The following PTGIS variants were observed in gnomAD, a reference collection of about 807,000 sequenced individuals.
The protein encoded by PTGIS is prostacyclin synthase.
In PTGIS, 45 loss-of-function variants were observed where a neutral mutation model predicts 50.3. The observed-to-expected ratio is 0.90, with a 90% CI of 0.70 to 1.15. The LOEUF (loss-of-function observed/expected upper bound fraction) is 1.15, where lower values mean the gene tolerates loss of function less well. Among genes scored for constraint, PTGIS ranks in the 50% most tolerant of loss-of-function variants. The pLI is 0.00. For missense variants in PTGIS, 668 were observed against 661.3 expected (o/e 1.01, Z -0.11); for synonymous variants, 260 against 267.7 (o/e 0.97, Z 0.28).
rs1982948880 is a variant in PTGIS at position 49,567,990 on chromosome 20, G to A, written c.74+53C>T. ...CTCCGAGACCCTTGGGCTGCAGCCC[G>A]GGCGGGAGCCGCCCCCTTTGTCTGG... On this transcript the variant is annotated intron_variant, in intron 1 of 9. Transcript: ENST00000244043. 4.2e-6 allele frequency: 6 copies of A among 1,441,846 alleles called. No individual in the cohort carries two copies. The South Asian group carries it at 6.8e-5, about 16-fold the overall frequency. The allele number at this position is 1,441,846 out of a possible 1,614,324, so 89.3% of individuals were successfully genotyped here. A position where few individuals can be genotyped will look rare whatever the true frequency, so the allele number is the denominator to read the frequency against.
intron 6 of PTGIS, among the ~76,000 whole-genome samples, chr20:49,515,941 C>A (rs1025214323): frequency 5.3e-5 from 8 of 151,790 alleles, no homozygotes; most frequent in African/African-American, 1.7e-4. Flanking sequence ...AATGCAGTGG[C>A]ACAATCATAG....
chr20:49,543,650 A>C (rs1360431841), intron 4 of PTGIS, among the ~76,000 whole-genome samples: 1 of 152,060 alleles, frequency 6.6e-6, no homozygotes, highest in African/African-American at 2.4e-5. Flanking sequence ...CGTGGTGGGC[A>C]CTTTGCAGTT....
intron 6 of PTGIS, 85 bp downstream of exon 6, chr20:49,523,973 G>T: frequency 6.6e-7 from 1 of 1,517,182 alleles, no homozygotes. Flanking sequence ...ACCTGCACAG[G>T]TGCACAGACA....
At chr20:49,554,085 C>T (rs934406824) in intron 1 of PTGIS, among the ~76,000 whole-genome samples, 1 of 152,110 alleles carries the variant, frequency 6.6e-6, no homozygotes, top group African/African-American at 2.4e-5. Context: ...CTGTTAATAA[C>T]ATTACATGAG....
chr20:49,520,475 G>A (rs1027379817), intron 6 of PTGIS, among the ~76,000 whole-genome samples: 14 of 151,330 alleles, frequency 9.3e-5, no homozygotes, highest in African/African-American at 2.7e-4. Flanking sequence ...CTGGGATTAC[G>A]GGCCTGTGCG....
chr20:49,514,033 T>C (rs1343841978), intron 7 of PTGIS, among the ~76,000 whole-genome samples, 194 bp downstream of exon 7: 5 of 152,204 alleles, frequency 3.3e-5, no homozygotes, highest in African/African-American at 1.2e-4. Flanking sequence ...GAAGTTAGGT[T>C]TTCTGTCACT....
chr20:49,510,887 A>G (rs1981298698), intron 9 of PTGIS, 141 bp downstream of exon 9: 1 of 753,034 alleles, frequency 1.3e-6, no homozygotes, highest in African/African-American at 1.8e-5. Context: ...AAAACCACAA[A>G]TAAGAGATGG....
At chr20:49,565,226 C>T (rs1982868114) in intron 1 of PTGIS, among the ~76,000 whole-genome samples, 1 of 152,016 alleles carries the variant, frequency 6.6e-6, no homozygotes, top group African/African-American at 2.4e-5. Context: ...CGTGATCCGC[C>T]CTCCCGGCCA....
intron 2 of PTGIS, among the ~76,000 whole-genome samples, chr20:49,549,006 C>A (rs1982439233): frequency 6.6e-6 from 1 of 151,060 alleles, no homozygotes; most frequent in African/African-American, 2.4e-5. Context: ...GGGTGGTGGT[C>A]GTTTGAATAG....
chr20:49,522,078 T>A (rs2122852348), intron 6 of PTGIS, among the ~76,000 whole-genome samples: 1 of 151,712 alleles, frequency 6.6e-6, no homozygotes, highest in East Asian at 1.9e-4. Flanking sequence ...AAATCCCAAG[T>A]CCTCATTTAT....
chr20:49,562,580 T>C (rs536375433), intron 1 of PTGIS, among the ~76,000 whole-genome samples: 141 of 152,266 alleles, frequency 9.3e-4, no homozygotes, highest in Non-Finnish European at 1.7e-3. Context: ...CACTCTCACT[T>C]TTTTTTAGGT....
At chr20:49,514,177 C>T in intron 7 of PTGIS, 50 bp downstream of exon 7, 1 of 1,604,888 alleles carries the variant, frequency 6.2e-7, no homozygotes, top group East Asian at 2.2e-5. Flanking sequence ...CTTTGGGGGT[C>T]CATGATGACG....
At chr20:49,527,604 G>C (rs970718635) in intron 5 of PTGIS, among the ~76,000 whole-genome samples, 1 of 152,164 alleles carries the variant, frequency 6.6e-6, no homozygotes, top group East Asian at 1.9e-4. Flanking sequence ...GGAAAGGCAG[G>C]TGGGGAATTA....
Position 49,517,983 on chromosome 20 carries a change from G to C in PTGIS, c.856-3588C>G, listed in dbSNP as rs574709278. The stretch of plus-strand genomic sequence containing the variant: ...CATATGACGTGGGCTGGGCCAGTGA[G>C]TATCAGTCTTGGGAGCTGTGCTAGA... On this transcript the variant is annotated intron_variant, in intron 6 of 9. Coordinates refer to ENST00000244043, the MANE Select transcript of PTGIS (RefSeq NM_000961.4). 5.3e-5 allele frequency among the ~76,000 whole-genome samples: 8 copies of C among 152,314 alleles called. No individual in the cohort carries two copies. The South Asian group carries it at 1.7e-3, about 32-fold the overall frequency.
At chr20:49,557,654 G>A (rs1055543753) in intron 1 of PTGIS, among the ~76,000 whole-genome samples, 4 of 152,122 alleles carry the variant, frequency 2.6e-5, no homozygotes, top group Non-Finnish European at 5.9e-5. Context: ...AATTCACTCT[G>A]CCATGAGGAA....
intron 6 of PTGIS, among the ~76,000 whole-genome samples, chr20:49,519,442 T>C (rs1981586824): frequency 6.6e-6 from 1 of 152,048 alleles, no homozygotes; most frequent in Admixed American, 6.6e-5. Context: ...TTTCAGCCTC[T>C]CTGCAGCATC....
chr20:49,547,093 G>A (rs1982378897), intron 3 of PTGIS, among the ~76,000 whole-genome samples: 1 of 152,160 alleles, frequency 6.6e-6, no homozygotes, highest in African/African-American at 2.4e-5. Flanking sequence ...TTAGCCAGGT[G>A]TGGTGGCACG....
chr20:49,518,817 G>A (rs1341617988), intron 6 of PTGIS, among the ~76,000 whole-genome samples: 4 of 152,088 alleles, frequency 2.6e-5, no homozygotes, highest in Admixed American at 6.6e-5. Context: ...TTTCTACTCC[G>A]TTGTCAGATG....
intron 7 of PTGIS, among the ~76,000 whole-genome samples, chr20:49,513,717 G>A (rs937231672): frequency 3.9e-5 from 6 of 152,148 alleles, no homozygotes; most frequent in African/African-American, 1.4e-4. Context: ...TCTGAGCCCT[G>A]TGATTGGTTC....
Sources: gnomAD v4.1 joint callset for allele counts (sites outside exome capture counted in the v4.1 genomes callset) on GRCh38, gnomAD v4.1.1 for gene constraint, MANE v1.5 for transcripts, NCBI Gene and HGNC (gene_info 2026-07-23, HGNC 2026-07-21) for gene names.